Variants in CEP112 observed in about 807,000 individuals in gnomAD.
CEP112 encodes the protein centrosomal protein of 112 kDa.
CEP112 carries 127 observed loss-of-function variants against 153.0 expected under a neutral mutation model. That is an observed-to-expected ratio of 0.83 (90% confidence interval 0.72 to 0.96). The LOEUF is 0.96. Ranked by LOEUF, CEP112 falls within the 40% of genes least tolerant of loss-of-function variation. CEP112 has a pLI of 0.00. For missense variants in CEP112, 1,089 were observed against 1,101.2 expected, an observed-to-expected ratio of 0.99 and a Z score of 0.16; for synonymous variants, 358 against 374.4, an observed-to-expected ratio of 0.96 and a Z score of 0.51.
chr17:65,737,119 A>C (rs779125935), intron 23 of CEP112, among the ~76,000 whole-genome samples: 2 of 152,236 alleles, frequency 1.3e-5, no homozygotes, highest in Non-Finnish European at 2.9e-5. Context: ...AGACTTCTCA[A>C]GATTAGATAG....
chr17:65,670,296 C>T (rs1347617650), intron 24 of CEP112, among the ~76,000 whole-genome samples: 6 of 151,318 alleles, frequency 4.0e-5, no homozygotes, highest in African/African-American at 1.5e-4. Flanking sequence ...AATTTCCCAA[C>T]AGGCAGGATT....
chr17:66,181,653 C>A (rs1418932447), intron 2 of CEP112, among the ~76,000 whole-genome samples: 1 of 152,084 alleles, frequency 6.6e-6, no homozygotes, highest in Non-Finnish European at 1.5e-5. Flanking sequence ...CCGCGCTTGG[C>A]CCCTAAAATC....
In CEP112 at chr17:65,883,298, T is replaced by TAC. The variant is rs915264138; in HGVS notation, c.2163+18852_2163+18853dup. The stretch of plus-strand genomic sequence containing the variant: ...TATATATATGAAGTGTATATATATA[T>TAC]ACACACACACACTTCATCTATATAC... On this transcript the variant is annotated intron_variant, in intron 20 of 26. Transcript: ENST00000535342. Among the ~76,000 whole-genome samples, 16 of 151,298 alleles carry TAC rather than the reference T, an allele frequency of 1.1e-4. No homozygotes were observed. In the East Asian group the frequency reaches 1.7e-3, roughly 17 times the overall value.
At chr17:65,797,090 A>AACAACAACAAC (rs1215975478) in intron 21 of CEP112, 4 of 124,738 alleles carry the variant, frequency 3.2e-5, no homozygotes, top group African/African-American at 9.4e-5. Flanking sequence ...ACAACAACAA[A>AACAACAACAAC]ACCCATCTTT....
intron 16 of CEP112, among the ~76,000 whole-genome samples, chr17:66,005,981 C>T (rs889044603): frequency 1.6e-4 from 25 of 151,744 alleles, no homozygotes; most frequent in African/African-American, 5.3e-4. Flanking sequence ...TTGAGTCTAC[C>T]GGCAGGTGAA....
intron 3 of CEP112, among the ~76,000 whole-genome samples, chr17:66,176,378 T>C (rs1368960327): frequency 6.6e-6 from 1 of 152,182 alleles, no homozygotes; most frequent in Admixed American, 6.5e-5. Context: ...TTAATTTAAG[T>C]ACAGAAAATG....
intron 24 of CEP112, among the ~76,000 whole-genome samples, chr17:65,643,959 G>A (rs1281552820): frequency 6.6e-6 from 1 of 152,152 alleles, no homozygotes; most frequent in Non-Finnish European, 1.5e-5. Context: ...AATCTTGTTG[G>A]TGTCCTTGTG....
chr17:66,116,863 C>CTTTT (rs35885142), intron 6 of CEP112, among the ~76,000 whole-genome samples: 9 of 119,180 alleles, frequency 7.6e-5, no homozygotes, highest in East Asian at 2.6e-4. Flanking sequence ...CTCCAATCTC[C>CTTTT]TTTTTTTTTT....
intron 25 of CEP112, among the ~76,000 whole-genome samples, chr17:65,639,993 A>G (rs902935513): frequency 6.7e-6 from 1 of 149,644 alleles, no homozygotes; most frequent in African/African-American, 2.5e-5. Context: ...ATGCACCACC[A>G]TGCCTGGCTA....
At chr17:65,667,200 G>A (rs1038322200) in intron 24 of CEP112, among the ~76,000 whole-genome samples, 1 of 152,094 alleles carries the variant, frequency 6.6e-6, no homozygotes, top group Admixed American at 6.5e-5. Flanking sequence ...TAGCAATGTC[G>A]TGACCTCTAT....
At chr17:65,660,319 CCTTTCTTT>C (rs149829911) in intron 24 of CEP112, among the ~76,000 whole-genome samples, 1 of 121,834 alleles carries the variant, frequency 8.2e-6, no homozygotes, top group African/African-American at 3.6e-5. Context: ...TTTCTTTCTT[CCTTTCTTT>C]CTCTTTCTTT....
intron 18 of CEP112, among the ~76,000 whole-genome samples, chr17:65,945,510 T>C (rs1599104011): frequency 6.6e-6 from 1 of 152,220 alleles, no homozygotes; most frequent in African/African-American, 2.4e-5. Context: ...GTAGTATACA[T>C]CAGTTTCATT....
In CEP112 at chr17:66,069,935, G is replaced by A; in HGVS notation, c.835C>T (p.His279Tyr). 6.3e-7 allele frequency: 1 copy of A among 1,599,558 alleles called. No homozygotes were observed. The highest frequency in any genetic ancestry group is 8.6e-7 in the Non-Finnish European group (1 of 1,169,070). Residue 279 changes from histidine to tyrosine, a missense_variant, in exon 9 of 27, where the codon CAT becomes TAT. Transcript: ENST00000535342. ...CCTACCTTCTGAACATCAGCATCAT[G>A]TTTCTGTTGCAGTTTAAGCTTTTCT... ...HEEKLKLQQK[H>Y]DADVQKILER... is the part of the protein sequence containing the mutation.
intron 24 of CEP112, among the ~76,000 whole-genome samples, chr17:65,682,865 C>T (rs1333091469): frequency 5.3e-5 from 8 of 152,190 alleles, no homozygotes; most frequent in African/African-American, 1.7e-4. Context: ...TAATCACACA[C>T]GTTGCATCTC....
chr17:65,996,319 C>T (rs2063791027), intron 17 of CEP112, among the ~76,000 whole-genome samples: 1 of 151,354 alleles, frequency 6.6e-6, no homozygotes, highest in African/African-American at 2.4e-5. Context: ...TAAACCTGCA[C>T]ATGCACCCCC....
chr17:65,930,227 G>A (rs1447327934), intron 18 of CEP112, among the ~76,000 whole-genome samples: 2 of 152,126 alleles, frequency 1.3e-5, no homozygotes, highest in Admixed American at 6.6e-5. Context: ...GTTAAGACAC[G>A]AATATTGGAG....
chr17:65,985,744 A>C (rs2063383447), intron 17 of CEP112, among the ~76,000 whole-genome samples: 1 of 152,070 alleles, frequency 6.6e-6, no homozygotes, highest in Non-Finnish European at 1.5e-5. Flanking sequence ...TAGAAAGCTA[A>C]CCGTGTTCCA....
intron 8 of CEP112, among the ~76,000 whole-genome samples, chr17:66,078,480 A>G (rs1473350257): frequency 6.8e-6 from 1 of 147,208 alleles, no homozygotes; most frequent in African/African-American, 2.5e-5. Flanking sequence ...ATGGTCTTGA[A>G]CTCCTGACCT....
rs1367145192 is a variant in CEP112, at chr17:65,754,629, G to GATAAA, written c.2395-3910_2395-3906dup. ...CAAAAAATAAAATAAAATAAAATAA[G>GATAAA]ATAAAATAAAATAAAATACAATACA... On this transcript the variant is annotated intron_variant, in intron 21 of 26. Coordinates refer to ENST00000535342, the MANE Select transcript of CEP112 (RefSeq NM_001199165.4). Among the ~76,000 whole-genome samples, 26 of 151,974 alleles carry GATAAA rather than the reference G, an allele frequency of 1.7e-4. 1 individual carries two copies. The highest frequency in any genetic ancestry group is 8.3e-4 in the South Asian group (4 of 4,808).
Sources: gnomAD v4.1 joint callset for allele counts (sites outside exome capture counted in the v4.1 genomes callset) on GRCh38, gnomAD v4.1.1 for gene constraint, MANE v1.5 for transcripts, NCBI Gene and HGNC (gene_info 2026-07-23, HGNC 2026-07-21) for gene names.